Variants in FBXL15 observed in about 807,000 individuals in gnomAD.
FBXL15 encodes the protein F-box and leucine rich repeat protein 15.
FBXL15 carries 19 observed loss-of-function variants against 23.6 expected under a neutral mutation model. That is an observed-to-expected ratio of 0.81 (90% CI 0.56 to 1.18). The LOEUF is 1.18. Ranked by LOEUF, FBXL15 falls within the 50% of genes most tolerant of loss-of-function variation. The pLI is 0.00. For synonymous variants in FBXL15, 224 were observed against 207.7 expected, an observed-to-expected ratio of 1.08 and a Z score of -0.67; for missense variants, 385 against 425.4, an observed-to-expected ratio of 0.91 and a Z score of 0.83.
chr10:102,421,244 G>A (rs1005682557), intron 1 of FBXL15, 62 bp downstream of exon 1: 2 of 1,584,130 alleles, frequency 1.3e-6, no homozygotes, highest in African/African-American at 2.7e-5. Context: ...CCGAGCCGGG[G>A]CTGGGTCTGG....
rs2061550368 is a variant in FBXL15 at position 102,420,904 on chromosome 10, C to A, written c.-226C>A. The A allele has an allele frequency of 1.1e-5, 15 of 1,418,406 alleles. No individual in the cohort carries two copies. In the South Asian group the frequency reaches 2.2e-4, roughly 21 times the overall value. The allele number at this position is 1,418,406 out of a possible 1,614,324, so 87.9% of individuals were successfully genotyped here. On this transcript the variant is annotated 5_prime_UTR_variant, in exon 1 of 4. Transcript: ENST00000369956. ...CTCTGATGCCCACCGCATTCTCCAG[C>A]TTCAGGCCTCAAGCCCTGTAGCCGA...
At position 102,422,733 on chromosome 10, in the gene FBXL15, CG is replaced by C. The variant is rs1222648807; in HGVS notation, c.714-68del. The C allele has an allele frequency of 2.0e-6, 3 of 1,473,908 alleles. No individual in the cohort carries two copies. In the African/African-American group the frequency reaches 4.2e-5, roughly 20 times the overall value. The allele number at this position is 1,473,908 out of a possible 1,614,324, so 91.3% of individuals were successfully genotyped here. A position where few individuals can be genotyped will look rare whatever the true frequency, so the allele number is the denominator to read the frequency against. On this transcript the variant is annotated intron_variant, in intron 3 of 3. Transcript: ENST00000369956. Reference sequence around the variant, plus strand: ...GAGCCAGTCCGAGGCTGAGTGAGCCCGGGCCTCCACCTTACCCCACCAAAGG... The same window carrying C: ...GAGCCAGTCCGAGGCTGAGTGAGCCCGGCCTCCACCTTACCCCACCAAAGG...
rs745834696 is a variant in FBXL15, at chr10:102,421,923, A to T, written c.344A>T (p.Gln115Leu). Residue 115 changes from glutamine (Q) to leucine (L), a missense_variant, in exon 3 of 4, where the codon CAG becomes CTG. Physicochemically the swap from Gln to Leu is moderately radical, Grantham distance 113. Around this residue, in one of 2 missense-constraint regions of FBXL15, gnomAD observed 255 missense variants for 330.2 expected, o/e 0.77. Coordinates refer to ENST00000369956, the MANE Select transcript of FBXL15 (RefSeq NM_024326.4). The part of the protein sequence containing the change: ...DLVPVLARNP[Q>L]LRSVALGGCG... Reference sequence around the variant, plus strand: ...GTGCCGGTGCTGGCGCGGAATCCGCAGCTGCGGAGTGTGGCGTTGGGCGGC... The same window carrying T: ...GTGCCGGTGCTGGCGCGGAATCCGCTGCTGCGGAGTGTGGCGTTGGGCGGC... 1 of 1,605,468 alleles carries T rather than the reference A, an allele frequency of 6.2e-7. No individual in the cohort carries two copies. The highest frequency in any genetic ancestry group is 1.7e-5 in the Admixed American group (1 of 59,856).
In FBXL15 at chr10:102,421,002, A is replaced by G. The variant is rs1378599298; in HGVS notation, c.-128A>G. 7 of 1,542,454 alleles carry G rather than the reference A, an allele frequency of 4.5e-6. No individual in the cohort carries two copies. The highest frequency in any genetic ancestry group is 6.1e-6 in the Non-Finnish European group (7 of 1,142,344). On this transcript the variant is annotated 5_prime_UTR_variant, in exon 1 of 4. Coordinates refer to ENST00000369956, the MANE Select transcript of FBXL15 (RefSeq NM_024326.4). ...CGGGGTCCACCCGAAAAGCTTTCAGATCGGATCCTCGGTGAGACGGCACTC... is the reference window on the plus strand; with the variant it reads ...CGGGGTCCACCCGAAAAGCTTTCAGGTCGGATCCTCGGTGAGACGGCACTC...
At position 102,422,984 on chromosome 10, in the gene FBXL15, G is replaced by A. The variant is rs758914812; in HGVS notation, c.894G>A (p.Leu298=). 6.4e-7 allele frequency: 1 copy of A among 1,553,190 alleles called. No homozygotes were observed. Among genetic ancestry groups the A allele is most frequent in the African/African-American group, 1.4e-5 (1 of 73,548 alleles). The change falls in exon 4 of 4, where the codon CTG becomes CTA. Residue 298 remains leucine (L), a synonymous_variant. Coordinates refer to ENST00000369956, the MANE Select transcript of FBXL15 (RefSeq NM_024326.4). Reference sequence around the variant, plus strand: ...CGGGCTTCGCACCTTTTGTCAACCTGCAGGTCTGACCCGCCTGCCAATCGG... The same window carrying A: ...CGGGCTTCGCACCTTTTGTCAACCTACAGGTCTGACCCGCCTGCCAATCGG... ...DMAGFAPFVN[L]QV is the part of the protein sequence containing the mutation.
chr10:102,422,133 TG>T lies in FBXL15; in HGVS notation c.555del (p.Tyr186ThrfsTer78), dbSNP rs1185708673. ...CGCCAGCTCAAGGACGAGGCCATCG[TG>T]TACCTGGCGCAGAGGCGCGGCGCTG... Reference protein sequence around the residue: ...ACRQLKDEAIVYLAQRRGAGL... With the variant: ...ACRQLKDEAIXYLAQRRGAGL... On this transcript the variant is annotated frameshift_variant, in exon 3 of 4. Transcript: ENST00000369956. LOFTEE classifies it high-confidence loss of function. The T allele has an allele frequency of 1.3e-6, 2 of 1,557,342 alleles. No individual in the cohort carries two copies. The highest frequency in any genetic ancestry group is 1.9e-5 in the Admixed American group (1 of 52,838).
At position 102,422,284 on chromosome 10, in the gene FBXL15, C is replaced by T. The variant is rs1430659219; in HGVS notation, c.705C>T (p.Asp235=). The change falls in exon 3 of 4, where the codon GAC becomes GAT. Residue 235 remains aspartate (D), a synonymous_variant. Transcript: ENST00000369956. ...DLTGCLRVGS[D]GVRTLAEYCP... ...CCGGCTGCCTCCGCGTCGGAAGCGA[C>T]GGTGTCAGGTGCCTGGGCCTGATAG... is the stretch of plus-strand genomic sequence containing the variant. 10 of 1,496,336 alleles carry T rather than the reference C, an allele frequency of 6.7e-6. No homozygotes were observed. The highest frequency in any genetic ancestry group is 4.7e-5 in the Admixed American group (2 of 42,538). The allele number at this position is 1,496,336 out of a possible 1,614,324, so 92.7% of individuals were successfully genotyped here. A position where few individuals can be genotyped will look rare whatever the true frequency, so the allele number is the denominator to read the frequency against.
At position 102,422,165 on chromosome 10, in the gene FBXL15, C is replaced by A. The variant is rs867685628; in HGVS notation, c.586C>A (p.Arg196Ser). The A allele has an allele frequency of 6.5e-7, 1 of 1,547,426 alleles. No individual in the cohort carries two copies. Among genetic ancestry groups the A allele is most frequent in the African/African-American group, 1.4e-5 (1 of 73,206 alleles). ...YLAQRRGAGLRSLSLAVNANV... is the reference protein window; with the variant it reads ...YLAQRRGAGLSSLSLAVNANV... The stretch of plus-strand genomic sequence containing the variant: ...GGCGCAGAGGCGCGGCGCTGGTCTC[C>A]GCAGCCTCTCTCTGGCCGTCAACGC... The change falls in exon 3 of 4, where the codon CGC (arginine) becomes AGC (serine). Residue 196 changes from arginine to serine, a missense_variant. This residue lies in a region of FBXL15 where 255 missense variants were observed against 330.2 expected (regional missense o/e 0.77). Coordinates refer to ENST00000369956, the MANE Select transcript of FBXL15 (RefSeq NM_024326.4).
Position 102,422,193 on chromosome 10 carries a change from A to G in FBXL15, c.614A>G (p.Asn205Ser). The change falls in exon 3 of 4, where the codon AAC becomes AGC. Residue 205 changes from asparagine to serine, a missense_variant. Asn to Ser is a conservative substitution (Grantham distance 46, BLOSUM62 1). Transcript: ENST00000369956. ...AGCCTCTCTCTGGCCGTCAACGCCA[A>G]CGTGGGGGACGCCGCGGTTCAAGAG... ...LRSLSLAVNA[N>S]VGDAAVQELA... The G allele has an allele frequency of 6.5e-7, 1 of 1,534,964 alleles. No individual in the cohort carries two copies. The highest frequency in any genetic ancestry group is 8.8e-7 in the Non-Finnish European group (1 of 1,139,608).
In FBXL15 at chr10:102,420,958, G is replaced by A; in HGVS notation, c.-172G>A. ...GGCGAGGCCTAATGTTACACCACCGGTCTGTTCCGCCTCCGTTTCGGGGTC... is the reference window on the plus strand; with the variant it reads ...GGCGAGGCCTAATGTTACACCACCGATCTGTTCCGCCTCCGTTTCGGGGTC... On this transcript the variant is annotated 5_prime_UTR_variant, in exon 1 of 4. Coordinates refer to ENST00000369956, the MANE Select transcript of FBXL15 (RefSeq NM_024326.4). 1.3e-6 allele frequency: 2 copies of A among 1,502,232 alleles called. No homozygotes were observed. Among genetic ancestry groups the A allele is most frequent in the Non-Finnish European group, 1.8e-6 (2 of 1,122,752 alleles). 93.1% of individuals were successfully genotyped at this position (1,502,232 alleles called of 1,614,324 possible). A position where few individuals can be genotyped will look rare whatever the true frequency, so the allele number is the denominator to read the frequency against.
intron 3 of FBXL15, 73 bp from the exon 4 acceptor site, chr10:102,422,731 C>T: frequency 6.8e-7 from 1 of 1,465,906 alleles, no homozygotes. Flanking sequence ...GCTGAGTGAG[C>T]CCGGGCCTCC....
chr10:102,422,041 C>T lies in FBXL15; in HGVS notation c.462C>T (p.Asp154=). ...CGCTCGCGCACTGTGACTGGGTGGA[C>T]GGGCTGGCGCTGCGCGGCCTCGCTG... ...RLSLAHCDWV[D]GLALRGLADR... is the part of the protein sequence containing the mutation. The change falls in exon 3 of 4, where the codon GAC becomes GAT. Residue 154 remains aspartate, a synonymous_variant. Transcript: ENST00000369956. 6.3e-7 allele frequency: 1 copy of T among 1,593,410 alleles called. No individual in the cohort carries two copies. Among genetic ancestry groups the T allele is most frequent in the Non-Finnish European group, 8.5e-7 (1 of 1,175,482 alleles).
In FBXL15 at chr10:102,421,193, C is replaced by G. The variant is rs748605875; in HGVS notation, c.53+11C>G. ...GCCCGGAGCCGTCAGGTACCGAGCA[C>G]CGGAGGGGCCGAGAGGGAAGAGGAA... On this transcript the variant is annotated intron_variant, in intron 1 of 3. Coordinates refer to ENST00000369956, the MANE Select transcript of FBXL15 (RefSeq NM_024326.4). 4 of 1,606,204 alleles carry G rather than the reference C, an allele frequency of 2.5e-6. No homozygotes were observed. The South Asian group carries it at 4.4e-5, about 18-fold the overall frequency.
Position 102,422,127 on chromosome 10 carries a change from C to T in FBXL15, c.548C>T (p.Ala183Val), listed in dbSNP as rs765551953. 4 of 1,556,044 alleles carry T rather than the reference C, an allele frequency of 2.6e-6. No homozygotes were observed. Among genetic ancestry groups the T allele is most frequent in the African/African-American group, 1.4e-5 (1 of 73,608 alleles). The change falls in exon 3 of 4, where the codon GCC becomes GTC. Residue 183 changes from alanine to valine, a missense_variant. This residue lies in a region of FBXL15 where 255 missense variants were observed against 330.2 expected (regional missense o/e 0.77). Transcript: ENST00000369956. ...LTACRQLKDE[A>V]IVYLAQRRGA... ...GCCTGCCGCCAGCTCAAGGACGAGG[C>T]CATCGTGTACCTGGCGCAGAGGCGC... is the stretch of plus-strand genomic sequence containing the variant.
rs1039932987 is a variant in FBXL15 at position 102,423,068 on chromosome 10, G to T, written c.*75G>T. ...CTGAGCTGTAGGGAAACTGAACTGT[G>T]AGGACCTCTGGTGAGAGGCCAGTGC... is the stretch of plus-strand genomic sequence containing the variant. On this transcript the variant is annotated 3_prime_UTR_variant, in exon 4 of 4. Coordinates refer to ENST00000369956, the MANE Select transcript of FBXL15 (RefSeq NM_024326.4). The surrounding 1 kb of genome is among the most constrained non-coding windows in gnomAD (Gnocchi z 5.6). 9.8e-6 allele frequency: 14 copies of T among 1,425,856 alleles called. No individual in the cohort carries two copies. In the African/African-American group the frequency reaches 2.0e-4, roughly 20 times the overall value. 88.3% of individuals were successfully genotyped at this position (1,425,856 alleles called of 1,614,324 possible).
Position 102,420,980 on chromosome 10 carries a change from G to A in FBXL15, c.-150G>A, listed in dbSNP as rs558517830. The A allele has an allele frequency of 2.2e-5, 33 of 1,527,308 alleles. No homozygotes were observed. In the South Asian group the frequency reaches 3.5e-4, roughly 16 times the overall value. 94.6% of individuals were successfully genotyped at this position (1,527,308 alleles called of 1,614,324 possible). A position where few individuals can be genotyped will look rare whatever the true frequency, so the allele number is the denominator to read the frequency against. On this transcript the variant is annotated 5_prime_UTR_variant, in exon 1 of 4. Coordinates refer to ENST00000369956, the MANE Select transcript of FBXL15 (RefSeq NM_024326.4). ...CCGGTCTGTTCCGCCTCCGTTTCGG[G>A]GTCCACCCGAAAAGCTTTCAGATCG...
rs751554671 is a variant in FBXL15, at chr10:102,421,092, G to A, written c.-38G>A. 1 of 1,589,234 alleles carries A rather than the reference G, an allele frequency of 6.3e-7. No homozygotes were observed. Among genetic ancestry groups the A allele is most frequent in the East Asian group, 2.3e-5 (1 of 43,764 alleles). ...TTGGTGCGGCCACTCCAAGGCCAAAGCGAGAAAATCTTACTGCGCACGCGC... is the reference window on the plus strand; with the variant it reads ...TTGGTGCGGCCACTCCAAGGCCAAAACGAGAAAATCTTACTGCGCACGCGC... On this transcript the variant is annotated 5_prime_UTR_variant, in exon 1 of 4. Transcript: ENST00000369956.
Position 102,421,564 on chromosome 10 carries a change from G to A in FBXL15, c.207+57G>A, listed in dbSNP as rs2061563892. Reference sequence around the variant, plus strand: ...TGGGTACCGCCCCGCCTCTAGCCCAGCCCCCAGCCCCGCAGTATGCCCTTC... The same window carrying A: ...TGGGTACCGCCCCGCCTCTAGCCCAACCCCCAGCCCCGCAGTATGCCCTTC... On this transcript the variant is annotated intron_variant, in intron 2 of 3. Transcript: ENST00000369956. 4 of 1,437,946 alleles carry A rather than the reference G, an allele frequency of 2.8e-6. No homozygotes were observed. In the Admixed American group the frequency reaches 1.1e-4, roughly 40 times the overall value. The allele number at this position is 1,437,946 out of a possible 1,614,324, so 89.1% of individuals were successfully genotyped here.
chr10:102,421,276 G>T, intron 1 of FBXL15, 78 bp from the exon 2 acceptor site: 1 of 1,566,966 alleles, frequency 6.4e-7, no homozygotes. Context: ...GGGAGCTGGG[G>T]CGCAGGAACA....
Sources: allele counts gnomAD v4.1 joint callset, GRCh38; gene constraint gnomAD v4.1.1; regional missense constraint gnomAD v4.1.1; non-coding constraint Gnocchi (gnomAD v3.1); transcripts MANE v1.5; gene names NCBI Gene and HGNC (gene_info 2026-07-23, HGNC 2026-07-21).